The following CPLANE1 variants were observed in gnomAD, a reference collection of about 807,000 sequenced individuals.
CPLANE1 encodes the protein ciliogenesis and planar polarity effector 1.
CPLANE1 carries 263 observed loss-of-function variants against 362.5 expected under a neutral mutation model. The ratio of observed to expected loss-of-function variants is 0.73; its 90% CI spans 0.66 to 0.80. The LOEUF is 0.80. Ranked by LOEUF, CPLANE1 falls within the 30% of genes least tolerant of loss-of-function variation. The pLI is 0.00. For missense variants in CPLANE1, 3,461 were observed against 3,793.4 expected (o/e 0.91, Z 2.30); for synonymous variants, 1,212 against 1,302.6 (o/e 0.93, Z 1.50).
chr5:37,132,553 A>G lies in CPLANE1; in HGVS notation c.8792+6167T>C, dbSNP rs549869757. Among the ~76,000 whole-genome samples the G allele has an allele frequency of 2.6e-4, 40 of 152,112 alleles. No homozygotes were observed. The South Asian group carries it at 6.0e-3, about 23-fold the overall frequency. On this transcript the variant is annotated intron_variant, in intron 46 of 52. Transcript: ENST00000651892. ...AGTAGTGACGGGGTTTCACCATGTT[A>G]GCCAGGATGGTCTCAATCTCCTGAC...
chr5:37,208,937 GAAAA>G (rs199850875), intron 16 of CPLANE1, among the ~76,000 whole-genome samples: 9 of 106,110 alleles, frequency 8.5e-5, no homozygotes, highest in Non-Finnish European at 1.8e-5. Flanking sequence ...TTTCACAGAT[GAAAA>G]AAAAAAAGAA....
chr5:37,139,470 ACT>A, intron 44 of CPLANE1, 100 bp from the exon 45 acceptor site: 1 of 1,058,206 alleles, frequency 9.4e-7, no homozygotes. Flanking sequence ...AAATTAAAAT[ACT>A]TTTAAACTTC....
intron 21 of CPLANE1, among the ~76,000 whole-genome samples, chr5:37,192,716 T>A (rs1785926432): frequency 2.0e-5 from 3 of 147,546 alleles, no homozygotes; most frequent in African/African-American, 7.6e-5. Flanking sequence ...TACAAAAAAT[T>A]AGCTGGGTGT....
chr5:37,152,417 A>G (rs1007145748), intron 42 of CPLANE1, among the ~76,000 whole-genome samples: 3 of 151,986 alleles, frequency 2.0e-5, no homozygotes, highest in Non-Finnish European at 4.4e-5. Context: ...CGAGTACCCA[A>G]CCATGGTCTC....
Position 37,195,848 on chromosome 5 carries a change from T to C in CPLANE1, c.3811+10A>G, listed in dbSNP as rs1580634431. 1 of 1,600,650 alleles carries C rather than the reference T, an allele frequency of 6.2e-7. No individual in the cohort carries two copies. Among genetic ancestry groups the C allele is most frequent in the Non-Finnish European group, 8.5e-7 (1 of 1,176,390 alleles). On this transcript the variant is annotated intron_variant, in intron 21 of 52. Transcript: ENST00000651892. ...TCATACTCTAAGCAAGCAGTTCATT[T>C]TGGACAAACCTATTGCTCTAATGGA... is the stretch of plus-strand genomic sequence containing the variant.
At chr5:37,088,856 T>C in the CPLANE1 span, among the ~76,000 whole-genome samples, 1 of 152,090 alleles carries the variant, frequency 6.6e-6, no homozygotes, top group African/African-American at 2.4e-5. Flanking sequence ...GTCTAGCCTA[T>C]CTAGTAAAGG....
At chr5:37,117,728 T>C (rs920176503) in intron 50 of CPLANE1, among the ~76,000 whole-genome samples, 5 of 152,172 alleles carry the variant, frequency 3.3e-5, no homozygotes, top group African/African-American at 1.2e-4. Flanking sequence ...TGTGTGGGTA[T>C]AAGTGTTGCT....
chr5:37,232,839 C>CAAAAAAAAAAAAAAAAAA (rs765038993), intron 8 of CPLANE1, among the ~76,000 whole-genome samples: 4 of 61,998 alleles, frequency 6.5e-5, no homozygotes, highest in East Asian at 5.3e-4. Flanking sequence ...GACCTTGTTG[C>CAAAAAAAAAAAAAAAAAA]AAAAAAAAAA....
intron 16 of CPLANE1, among the ~76,000 whole-genome samples, chr5:37,213,006 C>T (rs556831307): frequency 6.6e-6 from 1 of 152,250 alleles, no homozygotes; most frequent in South Asian, 2.1e-4. Flanking sequence ...GTCAGGAGTT[C>T]GAGACCAGCC....
rs549389245 is a variant in CPLANE1 at position 37,181,125 on chromosome 5, A to C, written c.5422-120T>G. On this transcript the variant is annotated intron_variant, in intron 26 of 52. Transcript: ENST00000651892. ...TAATCCTCTTATTCATTTATCAAAT[A>C]TTTACTGCATTTCTACAACTCAATA... 7.3e-5 allele frequency: 62 copies of C among 854,976 alleles called. No homozygotes were observed. The South Asian group carries it at 9.4e-4, about 13-fold the overall frequency. 53.0% of individuals were successfully genotyped at this position (854,976 alleles called of 1,614,324 possible).
chr5:37,144,363 G>A (rs1040983670), intron 43 of CPLANE1, among the ~76,000 whole-genome samples: 10 of 137,592 alleles, frequency 7.3e-5, no homozygotes, highest in South Asian at 6.9e-4. Context: ...AGCCGAGATC[G>A]CACCACTGCA....
intron 14 of CPLANE1, among the ~76,000 whole-genome samples, chr5:37,222,684 C>T (rs927496731): frequency 1.3e-5 from 2 of 152,222 alleles, no homozygotes; most frequent in East Asian, 1.9e-4. Flanking sequence ...TCAGTGAATG[C>T]TGCTCTTTTC....
chr5:37,213,795 G>A (rs1391544340), intron 15 of CPLANE1, 63 bp from the exon 16 acceptor site: 44 of 1,271,980 alleles, frequency 3.5e-5, no homozygotes, highest in Non-Finnish European at 4.5e-5. Context: ...TAATATTTAA[G>A]TTCCCAACAT....
intron 46 of CPLANE1, chr5:37,130,545 A>C (rs1765470235): frequency 4.8e-6 from 1 of 207,814 alleles, no homozygotes. Flanking sequence ...TCTTAAAATA[A>C]ATGTTATGAA....
intron 23 of CPLANE1, 94 bp from the exon 24 acceptor site, chr5:37,186,488 T>C (rs1784031367): frequency 1.5e-6 from 1 of 674,352 alleles, no homozygotes; most frequent in Non-Finnish European, 2.7e-6. Context: ...AAAATATAAA[T>C]GCACATTTCT....
the CPLANE1 span, among the ~76,000 whole-genome samples, chr5:37,098,691 G>C: frequency 6.6e-6 from 1 of 150,974 alleles, no homozygotes; most frequent in Non-Finnish European, 1.5e-5. Flanking sequence ...TAACTTTTCT[G>C]AACACAATGG....
At chr5:37,216,117 G>A (rs1489438431) in intron 15 of CPLANE1, among the ~76,000 whole-genome samples, 1 of 152,154 alleles carries the variant, frequency 6.6e-6, no homozygotes, top group African/African-American at 2.4e-5. Context: ...GATTACAGGT[G>A]TGAGCCACCA....
intron 36 of CPLANE1, among the ~76,000 whole-genome samples, chr5:37,165,239 T>A (rs1777927738): frequency 6.6e-6 from 1 of 152,150 alleles, no homozygotes; most frequent in Non-Finnish European, 1.5e-5. Flanking sequence ...CCAAATAACA[T>A]AATATATATA....
At chr5:37,120,731 T>C (rs1451733173) in intron 49 of CPLANE1, among the ~76,000 whole-genome samples, 1 of 152,222 alleles carries the variant, frequency 6.6e-6, no homozygotes, top group East Asian at 1.9e-4. Context: ...CAAAACTTTT[T>C]TGTGGTTATC....
Sources: gnomAD v4.1 joint callset for allele counts (sites outside exome capture counted in the v4.1 genomes callset) on GRCh38, gnomAD v4.1.1 for gene constraint, MANE v1.5 for transcripts, NCBI Gene and HGNC (gene_info 2026-07-23, HGNC 2026-07-21) for gene names.